FAT3: variants seen among roughly 807,000 people sequenced by gnomAD.
FAT3 encodes protocadherin Fat 3.
A neutral mutation model predicts 310.2 loss-of-function variants in FAT3; 95 were observed. The observed-to-expected ratio is 0.31, with a 90% CI of 0.26 to 0.36. The LOEUF (loss-of-function observed/expected upper bound fraction) is 0.36, where lower values mean the gene tolerates loss of function less well. Among genes scored for constraint, FAT3 ranks in the 10% least tolerant of loss-of-function variants. The probability of loss-of-function intolerance (pLI) is 1.00; values close to 1 mark genes in which losing one functional copy is unlikely to be tolerated. For synonymous variants in FAT3, 2,314 were observed against 2,192.9 expected (o/e 1.06, Z -1.54); for missense variants, 5,408 against 5,715.6 (o/e 0.95, Z 1.74).
At chr11:92,730,556 C>A (rs1945144749) in intron 4 of FAT3, among the ~76,000 whole-genome samples, 1 of 152,146 alleles carries the variant, frequency 6.6e-6, no homozygotes, top group South Asian at 2.1e-4. Context: ...GACTCCAAGT[C>A]TAGTGGTTTA....
intron 4 of FAT3, among the ~76,000 whole-genome samples, chr11:92,738,632 A>G (rs1184287552): frequency 6.6e-6 from 1 of 152,204 alleles, no homozygotes; most frequent in East Asian, 1.9e-4. Context: ...GATATAAACA[A>G]TACGATTCTT....
chr11:92,781,360 G>A (rs576941553), intron 7 of FAT3, among the ~76,000 whole-genome samples: 22 of 151,208 alleles, frequency 1.5e-4, no homozygotes, highest in African/African-American at 4.6e-4. Flanking sequence ...CACCGCGCCC[G>A]GCCATAAGGC....
At chr11:92,432,302 T>C (rs1362685252) in intron 2 of FAT3, among the ~76,000 whole-genome samples, 3 of 152,142 alleles carry the variant, frequency 2.0e-5, no homozygotes, top group African/African-American at 7.2e-5. Flanking sequence ...GTTTGTCTGT[T>C]ATTGGTGTAC....
At chr11:92,707,678 A>G (rs1035393125) in intron 4 of FAT3, among the ~76,000 whole-genome samples, 2 of 152,038 alleles carry the variant, frequency 1.3e-5, no homozygotes, top group African/African-American at 4.8e-5. Flanking sequence ...TCTGCCCTTT[A>G]CTTCCATAGC....
intron 1 of FAT3, among the ~76,000 whole-genome samples, chr11:92,334,012 A>C (rs1947990113): frequency 6.6e-6 from 1 of 152,212 alleles, no homozygotes; most frequent in South Asian, 2.1e-4. Flanking sequence ...GTAGTTAACC[A>C]GTATTCAAAT....
At chr11:92,349,739 C>G (rs990816394) in intron 1 of FAT3, among the ~76,000 whole-genome samples, 7 of 152,212 alleles carry the variant, frequency 4.6e-5, no homozygotes, top group Non-Finnish European at 1.0e-4. Context: ...CTCTAAAGAA[C>G]TGCATGTGAA....
chr11:92,529,305 G>T lies in FAT3; in HGVS notation c.3607+4357G>T, dbSNP rs1444354322. 2.0e-5 allele frequency among the ~76,000 whole-genome samples: 3 copies of T among 152,142 alleles called. No individual in the cohort carries two copies. The East Asian group carries it at 5.8e-4, about 29-fold the overall frequency. ...AGGGGATCTTTGCGGACCTGAAGGG[G>T]GCCTGAAGAATGGGCTGACCTGCAG... is the stretch of plus-strand genomic sequence containing the variant. On this transcript the variant is annotated intron_variant, in intron 3 of 27. Coordinates refer to ENST00000525166, the MANE Select transcript of FAT3 (RefSeq NM_001367949.2).
intron 3 of FAT3, among the ~76,000 whole-genome samples, chr11:92,538,820 T>A (rs183704191): frequency 6.6e-6 from 1 of 152,224 alleles, no homozygotes; most frequent in Non-Finnish European, 1.5e-5. Context: ...TTATGGGACC[T>A]TTTTTTCTGG....
chr11:92,628,122 A>C (rs1941404530), intron 3 of FAT3, among the ~76,000 whole-genome samples: 1 of 152,170 alleles, frequency 6.6e-6, no homozygotes, highest in Non-Finnish European at 1.5e-5. Flanking sequence ...GTCTGACCAT[A>C]ATGGGCCATG....
At chr11:92,869,559 T>C (rs1949335382) in intron 22 of FAT3, among the ~76,000 whole-genome samples, 1 of 152,240 alleles carries the variant, frequency 6.6e-6, no homozygotes, top group South Asian at 2.1e-4. Flanking sequence ...ACCCATTTTC[T>C]TGCCCCTATT....
chr11:92,610,752 CCTCA>C (rs768303512), intron 3 of FAT3, among the ~76,000 whole-genome samples: 2 of 152,084 alleles, frequency 1.3e-5, no homozygotes, highest in Non-Finnish European at 2.9e-5. Context: ...GTTTTCTTCC[CCTCA>C]CTCCTACAAG....
At chr11:92,342,550 A>G (rs905043690) in intron 1 of FAT3, among the ~76,000 whole-genome samples, 1 of 152,208 alleles carries the variant, frequency 6.6e-6, no homozygotes, top group African/African-American at 2.4e-5. Context: ...CCATTGTGTC[A>G]GACTGTAGCA....
At chr11:92,794,482 T>G (rs1947117987) in intron 9 of FAT3, among the ~76,000 whole-genome samples, 1 of 152,244 alleles carries the variant, frequency 6.6e-6, no homozygotes, top group African/African-American at 2.4e-5. Context: ...CTTTTTATAT[T>G]TGTCATTAAG....
chr11:92,285,797 T>A (rs1356670969), intron 1 of FAT3, among the ~76,000 whole-genome samples: 2 of 152,190 alleles, frequency 1.3e-5, no homozygotes, highest in African/African-American at 4.8e-5. Context: ...GTATCTGTAG[T>A]CCTTATGTAT....
intron 3 of FAT3, among the ~76,000 whole-genome samples, chr11:92,541,993 C>T (rs922467560): frequency 6.6e-6 from 1 of 152,016 alleles, no homozygotes; most frequent in African/African-American, 2.4e-5. Context: ...CAGAAAAGTT[C>T]TCTAAAGTTA....
chr11:92,520,037 A>G (rs917130992), intron 2 of FAT3, among the ~76,000 whole-genome samples: 1 of 152,158 alleles, frequency 6.6e-6, no homozygotes, highest in Non-Finnish European at 1.5e-5. Flanking sequence ...TTTTAGATGC[A>G]TGTTCTTAGC....
At chr11:92,749,627 A>G (rs1945774743) in intron 4 of FAT3, among the ~76,000 whole-genome samples, 1 of 152,192 alleles carries the variant, frequency 6.6e-6, no homozygotes, top group African/African-American at 2.4e-5. Flanking sequence ...GACATATGAG[A>G]CTATGACGGA....
intron 22 of FAT3, among the ~76,000 whole-genome samples, chr11:92,870,334 T>G (rs1331278409): frequency 1.3e-5 from 2 of 152,194 alleles, no homozygotes; most frequent in African/African-American, 4.8e-5. Context: ...TGATCAGCAT[T>G]ATAACTCTTG....
chr11:92,636,693 ACT>A (rs2135716563), intron 3 of FAT3, among the ~76,000 whole-genome samples: 1 of 152,134 alleles, frequency 6.6e-6, no homozygotes, highest in East Asian at 1.9e-4. Context: ...TTTACTGAAG[ACT>A]CTGCTTTCAC....
Sources: gnomAD v4.1 joint callset for allele counts (sites outside exome capture counted in the v4.1 genomes callset) on GRCh38, gnomAD v4.1.1 for gene constraint, MANE v1.5 for transcripts, NCBI Gene and HGNC (gene_info 2026-07-23, HGNC 2026-07-21) for gene names.